ELL: variants seen among roughly 807,000 people sequenced by gnomAD.
ELL encodes elongation factor for RNA polymerase II, also known as RNA polymerase II elongation factor ELL.
A neutral mutation model predicts 64.0 loss-of-function variants in ELL; 18 were observed. The observed-to-expected ratio is 0.28, with a 90% CI of 0.19 to 0.42. The LOEUF is 0.42. ELL is among the 10% of genes least tolerant of loss of function. ELL has a pLI of 1.00. For missense variants in ELL, 797 were observed against 870.4 expected, an observed-to-expected ratio of 0.92 and a Z score of 1.06; for synonymous variants, 399 against 376.2, an observed-to-expected ratio of 1.06 and a Z score of -0.70.
chr19:18,490,421 T>C (rs773068084), intron 1 of ELL, among the ~76,000 whole-genome samples: 6 of 152,178 alleles, frequency 3.9e-5, no homozygotes, highest in Non-Finnish European at 7.4e-5. Context: ...TCCCAGGTCA[T>C]TGCCTGACTT....
intron 1 of ELL, among the ~76,000 whole-genome samples, chr19:18,474,091 T>C (rs988206155): frequency 6.6e-6 from 1 of 152,194 alleles, no homozygotes; most frequent in African/African-American, 2.4e-5. Flanking sequence ...GGGTCCGCCC[T>C]CTGGAGCCAC....
At chr19:18,506,596 G>A (rs1462008490) in intron 1 of ELL, among the ~76,000 whole-genome samples, 2 of 152,168 alleles carry the variant, frequency 1.3e-5, no homozygotes, top group South Asian at 4.1e-4. Context: ...GTGGTGCCAC[G>A]CACTTGTAGT....
At chr19:18,453,596 C>T (rs763299464) in intron 6 of ELL, among the ~76,000 whole-genome samples, 14 of 152,112 alleles carry the variant, frequency 9.2e-5, no homozygotes, top group Non-Finnish European at 1.5e-4. Context: ...ATAGGTTGGG[C>T]GCAGTGGCTC....
intron 1 of ELL, among the ~76,000 whole-genome samples, chr19:18,505,918 A>T (rs927421958): frequency 6.6e-6 from 1 of 152,138 alleles, no homozygotes; most frequent in East Asian, 1.9e-4. Context: ...GCACCACTGT[A>T]CAGTCAGGTA....
intron 1 of ELL, among the ~76,000 whole-genome samples, chr19:18,515,999 C>T (rs898344824): frequency 4.6e-5 from 7 of 152,160 alleles, no homozygotes; most frequent in African/African-American, 1.4e-4. Context: ...ACAGGGGCAG[C>T]ACTAGCACTA....
At chr19:18,446,195 C>T in intron 10 of ELL, 114 bp downstream of exon 10, 3 of 1,302,220 alleles carry the variant, frequency 2.3e-6, no homozygotes, top group Non-Finnish European at 3.1e-6. Flanking sequence ...GAAGCGCTGC[C>T]TGGGGAAGGG....
rs184476069 is a variant in ELL at position 18,490,162 on chromosome 19, C to T, written c.136-17280G>A. Reference sequence around the variant, plus strand: ...TTACAAAAAACCTGCAAGAACAGTACAAAGAACAGCCATATTCTGTGACGT... The same window carrying T: ...TTACAAAAAACCTGCAAGAACAGTATAAAGAACAGCCATATTCTGTGACGT... On this transcript the variant is annotated intron_variant, in intron 1 of 11. Transcript: ENST00000262809. 1.8e-4 allele frequency among the ~76,000 whole-genome samples: 28 copies of T among 152,324 alleles called. No homozygotes were observed. The East Asian group carries it at 1.9e-3, about 10-fold the overall frequency.
At chr19:18,445,750 G>A (rs2144884227) in intron 10 of ELL, among the ~76,000 whole-genome samples, 1 of 152,272 alleles carries the variant, frequency 6.6e-6, no homozygotes, top group East Asian at 1.9e-4. Context: ...GGTGGCAGGT[G>A]GGGCGGCTAC....
rs1261989493 is a variant in ELL at position 18,501,430 on chromosome 19, C to G, written c.135+20491G>C. ...CCCACTGTTGGCGAGGAGGGGCCCA[C>G]GCCTCAACAATGAGGCGGACCCTCC... On this transcript the variant is annotated intron_variant, in intron 1 of 11. Transcript: ENST00000262809. The surrounding 1 kb of genome is among the most constrained non-coding windows in gnomAD (Gnocchi z 4.5). 6.6e-6 allele frequency among the ~76,000 whole-genome samples: 1 copy of G among 152,238 alleles called. No individual in the cohort carries two copies. The highest frequency in any genetic ancestry group is 1.5e-5 in the Non-Finnish European group (1 of 68,048).
intron 1 of ELL, among the ~76,000 whole-genome samples, chr19:18,491,869 G>C (rs1975540860): frequency 6.6e-6 from 1 of 152,048 alleles, no homozygotes. Flanking sequence ...GTACAGCCTG[G>C]GTGAAAGTGT....
intron 2 of ELL, chr19:18,471,513 C>T (rs915852770): frequency 9.5e-6 from 2 of 211,266 alleles, no homozygotes; most frequent in Non-Finnish European, 2.0e-5. Context: ...ACTAAAAGTA[C>T]AAAAATTAGC....
At chr19:18,467,342 C>T (rs1974961302) in intron 2 of ELL, among the ~76,000 whole-genome samples, 1 of 152,118 alleles carries the variant, frequency 6.6e-6, no homozygotes, top group Non-Finnish European at 1.5e-5. Flanking sequence ...AGCATCCCCT[C>T]TCAGCCTCGA....
At chr19:18,462,232 C>G (rs1034952174) in intron 4 of ELL, among the ~76,000 whole-genome samples, 47 of 124,924 alleles carry the variant, frequency 3.8e-4, no homozygotes, top group African/African-American at 1.5e-3. Context: ...ATGTAATCAC[C>G]TGATCACTCT....
In ELL at chr19:18,518,263, G is replaced by A. The variant is rs375128719; in HGVS notation, c.135+3658C>T. ...TCTTGTAATTACAGCACTTTGGGAG[G>A]CTGAGGCAGGGAAATCACTTGAGCC... On this transcript the variant is annotated intron_variant, in intron 1 of 11. Coordinates refer to ENST00000262809, the MANE Select transcript of ELL (RefSeq NM_006532.4). 2.6e-5 allele frequency among the ~76,000 whole-genome samples: 4 copies of A among 152,172 alleles called. No individual in the cohort carries two copies. In the East Asian group the frequency reaches 5.8e-4, roughly 22 times the overall value.
chr19:18,455,212 G>A (rs1029871289), intron 6 of ELL, among the ~76,000 whole-genome samples: 2 of 151,714 alleles, frequency 1.3e-5, no homozygotes, highest in African/African-American at 4.8e-5. Context: ...GATGAGTTAG[G>A]CCAGGCACAG....
chr19:18,447,523 G>C (rs1397322327), intron 8 of ELL, among the ~76,000 whole-genome samples: 1 of 152,250 alleles, frequency 6.6e-6, no homozygotes, highest in South Asian at 2.1e-4. Context: ...CCCCTTCAGG[G>C]GCCTGCCCAA....
At chr19:18,469,753 C>T (rs911200152) in intron 2 of ELL, among the ~76,000 whole-genome samples, 1 of 152,258 alleles carries the variant, frequency 6.6e-6, no homozygotes, top group African/African-American at 2.4e-5. Flanking sequence ...GCTGACCTGA[C>T]CATGGCCACC....
chr19:18,509,589 G>A (rs941228241), intron 1 of ELL, among the ~76,000 whole-genome samples: 4 of 110,144 alleles, frequency 3.6e-5, no homozygotes, highest in Admixed American at 1.8e-4. Flanking sequence ...ACGTGCGCGC[G>A]CGCGCACATA....
rs562785486 is a variant in ELL, at chr19:18,471,061, C to T, written c.183+1774G>A. 48 of 445,548 alleles carry T rather than the reference C, an allele frequency of 1.1e-4. No homozygotes were observed. In the East Asian group the frequency reaches 3.3e-3, roughly 31 times the overall value. The allele number at this position is 445,548 out of a possible 1,614,324, so 27.6% of individuals were successfully genotyped here. A position where few individuals can be genotyped will look rare whatever the true frequency, so the allele number is the denominator to read the frequency against. ...CTGTGGACAGAAATTGATTTAGGTACAACATGGTAACTCTAAAAGAAAAAA... is the reference window on the plus strand; with the variant it reads ...CTGTGGACAGAAATTGATTTAGGTATAACATGGTAACTCTAAAAGAAAAAA... On this transcript the variant is annotated intron_variant, in intron 2 of 11. Coordinates refer to ENST00000262809, the MANE Select transcript of ELL (RefSeq NM_006532.4).
Sources: gnomAD v4.1 joint callset for allele counts (sites outside exome capture counted in the v4.1 genomes callset) on GRCh38, gnomAD v4.1.1 for gene constraint, Gnocchi (gnomAD v3.1) non-coding constraint, MANE v1.5 for transcripts, NCBI Gene and HGNC (gene_info 2026-07-23, HGNC 2026-07-21) for gene names.